The following ABCC5 variants were observed in gnomAD, a reference collection of about 807,000 sequenced individuals.
ABCC5 encodes the protein ATP binding cassette subfamily C member 5, also known as ATP-binding cassette sub-family C member 5.
Under a neutral mutation model 160.9 loss-of-function variants are expected in ABCC5, and 61 were observed. The observed-to-expected ratio is 0.38, with a 90% CI of 0.31 to 0.47. The LOEUF (loss-of-function observed/expected upper bound fraction) is 0.47, where lower values mean the gene tolerates loss of function less well. Ranked by LOEUF, ABCC5 falls within the 20% of genes least tolerant of loss-of-function variation. The pLI, the probability that ABCC5 is intolerant of heterozygous loss-of-function variation, is 0.99. For synonymous variants in ABCC5, 666 were observed against 700.6 expected (o/e 0.95, Z 0.78); for missense variants, 1,308 against 1,813.3 (o/e 0.72, Z 5.06).
intron 28 of ABCC5, 82 bp downstream of exon 28, chr3:183,927,248 A>G: frequency 8.7e-6 from 12 of 1,377,352 alleles, no homozygotes; most frequent in Non-Finnish European, 1.2e-5. Context: ...AGCCAGGAAT[A>G]CCTTTGGACC....
At chr3:183,962,092 C>G (rs546310109) in intron 15 of ABCC5, among the ~76,000 whole-genome samples, 1 of 152,166 alleles carries the variant, frequency 6.6e-6, no homozygotes, top group African/African-American at 2.4e-5. Flanking sequence ...GAGAGGTACA[C>G]AGATGCTCCT....
Position 183,921,222 on chromosome 3 carries a change from G to A in ABCC5, c.*78C>T. ...ATCGAGAAAGGCAAGGTTTCGGTAG[G>A]AGGACGCGATGAGGGGCCCGCCCCA... On this transcript the variant is annotated 3_prime_UTR_variant, in exon 30 of 30. Coordinates refer to ENST00000334444, the MANE Select transcript of ABCC5 (RefSeq NM_005688.4). This position sits in a 1 kb window ranked among gnomAD's most constrained non-coding sequence, Gnocchi z 4.1. 1 of 740,468 alleles carries A rather than the reference G, an allele frequency of 1.4e-6. No homozygotes were observed. Among genetic ancestry groups the A allele is most frequent in the East Asian group, 2.7e-5 (1 of 36,536 alleles). 45.9% of individuals were successfully genotyped at this position (740,468 alleles called of 1,614,324 possible). A position where few individuals can be genotyped will look rare whatever the true frequency, so the allele number is the denominator to read the frequency against.
Position 183,942,720 on chromosome 3 carries a change from T to C in ABCC5, c.3694+7A>G. The C allele has an allele frequency of 6.2e-7, 1 of 1,612,788 alleles. No individual in the cohort carries two copies. Among genetic ancestry groups the C allele is most frequent in the African/African-American group, 1.3e-5 (1 of 75,022 alleles). On this transcript the variant is annotated splice_region_variant and intron_variant, in intron 25 of 29. Coordinates refer to ENST00000334444, the MANE Select transcript of ABCC5 (RefSeq NM_005688.4). ...ATGGATTCAAAGAAGGCTTTGCACA[T>C]CCTTACCTGATCCTGTCCGCCCCAC...
At chr3:183,990,951 G>A (rs1719709714) in intron 2 of ABCC5, among the ~76,000 whole-genome samples, 1 of 152,068 alleles carries the variant, frequency 6.6e-6, no homozygotes, top group Non-Finnish European at 1.5e-5. Context: ...TTCCTTTTCT[G>A]TCTTAGCAGT....
Position 183,937,974 on chromosome 3 carries a change from T to C in ABCC5, c.3781A>G (p.Ile1261Val). 1 of 1,614,172 alleles carries C rather than the reference T, an allele frequency of 6.2e-7. No homozygotes were observed. Among genetic ancestry groups the C allele is most frequent in the South Asian group, 1.1e-5 (1 of 91,078 alleles). Residue 1261 changes from isoleucine to valine, a missense_variant, in exon 26 of 30, where the codon ATT becomes GTT. Ile to Val is a conservative substitution (Grantham distance 29). Transcript: ENST00000334444. Reference protein sequence around the residue: ...IKIDGVRISDIGLADLRSKLS... With the variant: ...IKIDGVRISDVGLADLRSKLS... ...TTGCTTCGGAGGTCGGCAAGGCCAA[T>C]ATCACTGATTCTCACTCCATCAATC...
intron 2 of ABCC5, among the ~76,000 whole-genome samples, chr3:184,007,447 T>C (rs1292379245): frequency 6.6e-6 from 1 of 152,170 alleles, no homozygotes; most frequent in Non-Finnish European, 1.5e-5. Flanking sequence ...ATAAAGCTCA[T>C]AAAAGCATCT....
intron 2 of ABCC5, among the ~76,000 whole-genome samples, chr3:184,005,294 T>C (rs1365914649): frequency 6.6e-6 from 1 of 152,180 alleles, no homozygotes; most frequent in Admixed American, 6.5e-5. Flanking sequence ...TCTACCTCCA[T>C]GAGCAGGCTT....
At chr3:183,952,628 A>T (rs1038863733) in intron 18 of ABCC5, among the ~76,000 whole-genome samples, 3 of 152,058 alleles carry the variant, frequency 2.0e-5, no homozygotes, top group African/African-American at 4.8e-5. Context: ...GACAGTTTAA[A>T]AGTGTTTGAC....
At chr3:184,001,622 T>C (rs996731959) in intron 2 of ABCC5, among the ~76,000 whole-genome samples, 2 of 152,106 alleles carry the variant, frequency 1.3e-5, no homozygotes, top group Non-Finnish European at 2.9e-5. Flanking sequence ...CATCCTACAA[T>C]GCACAGGATA....
Position 183,942,740 on chromosome 3 carries a change from C to T in ABCC5, c.3681G>A (p.Gly1227=). The change falls in exon 25 of 30, where the codon GGG becomes GGA. Residue 1227 remains glycine (G), a synonymous_variant. Coordinates refer to ENST00000334444, the MANE Select transcript of ABCC5 (RefSeq NM_005688.4). ...IKPKEKIGIV[G]RTGSGKSSLG... is the part of the protein sequence containing the mutation. ...GCACATCCTTACCTGATCCTGTCCG[C>T]CCCACAATGCCAATCTTCTCTTTAG... The T allele has an allele frequency of 1.2e-6, 2 of 1,613,858 alleles. No homozygotes were observed. The highest frequency in any genetic ancestry group is 1.7e-5 in the Admixed American group (1 of 60,004).
intron 25 of ABCC5, among the ~76,000 whole-genome samples, chr3:183,941,704 G>A (rs771782009): frequency 6.6e-6 from 1 of 152,094 alleles, no homozygotes. Flanking sequence ...GAAAAAAGGG[G>A]CCGGGTGCGA....
chr3:183,989,848 A>C (rs1719587867), intron 2 of ABCC5, among the ~76,000 whole-genome samples: 1 of 152,172 alleles, frequency 6.6e-6, no homozygotes, highest in South Asian at 2.1e-4. Context: ...TCTGTCACCC[A>C]GGCTGGAGTG....
chr3:183,973,635 C>T (rs1318771946), intron 10 of ABCC5, among the ~76,000 whole-genome samples: 1 of 152,104 alleles, frequency 6.6e-6, no homozygotes, highest in Non-Finnish European at 1.5e-5. Flanking sequence ...CCCCGTCTCC[C>T]ATTCATCCCT....
rs564702882 is a variant in ABCC5, at chr3:183,982,299, T to C, written c.999+152A>G. The C allele has an allele frequency of 9.8e-5, 85 of 863,522 alleles. No homozygotes were observed. In the African/African-American group the frequency reaches 1.3e-3, roughly 13 times the overall value. 53.5% of individuals were successfully genotyped at this position (863,522 alleles called of 1,614,324 possible). A position where few individuals can be genotyped will look rare whatever the true frequency, so the allele number is the denominator to read the frequency against. ...CTCTCAAGTCAAAATTCTGTCCCTATAGAGCAAGCACTATCGAGCTCTAGA... is the reference window on the plus strand; with the variant it reads ...CTCTCAAGTCAAAATTCTGTCCCTACAGAGCAAGCACTATCGAGCTCTAGA... On this transcript the variant is annotated intron_variant, in intron 7 of 29. Coordinates refer to ENST00000334444, the MANE Select transcript of ABCC5 (RefSeq NM_005688.4). This position sits in a 1 kb window ranked among gnomAD's most constrained non-coding sequence, Gnocchi z 5.2.
rs776641752 is a variant in ABCC5, at chr3:183,937,982, A to C, written c.3773T>G (p.Ile1258Ser). ...GGCIKIDGVR[I>S]SDIGLADLRS... ...GAGGTCGGCAAGGCCAATATCACTG[A>C]TTCTCACTCCATCAATCTTGATGCA... Residue 1258 changes from isoleucine (I) to serine (S), a missense_variant, in exon 26 of 30, where the codon ATC becomes AGC. Physicochemically the swap from Ile to Ser is moderately radical, Grantham distance 142. Coordinates refer to ENST00000334444, the MANE Select transcript of ABCC5 (RefSeq NM_005688.4). 9 of 1,614,128 alleles carry C rather than the reference A, an allele frequency of 5.6e-6. No individual in the cohort carries two copies. Among genetic ancestry groups the C allele is most frequent in the Non-Finnish European group, 7.6e-6 (9 of 1,180,020 alleles).
At chr3:183,924,010 CTTTTTT>C (rs200040197) in intron 29 of ABCC5, among the ~76,000 whole-genome samples, 8 of 112,800 alleles carry the variant, frequency 7.1e-5, no homozygotes, top group African/African-American at 3.2e-4. Flanking sequence ...TTACTGTTTG[CTTTTTT>C]TTTTTTTTTT....
intron 25 of ABCC5, among the ~76,000 whole-genome samples, chr3:183,941,348 GGCTTGGGGAGAGTCACCCT>G (rs980344067): frequency 2.6e-5 from 4 of 152,130 alleles, no homozygotes; most frequent in African/African-American, 9.7e-5. Context: ...ACAGTAAAAA[GGCTTGGGGAGAGTCACCCT>G]GCTTGGCTAA....
intron 5 of ABCC5, chr3:183,984,775 G>T (rs1192218236): frequency 5.8e-6 from 9 of 1,548,422 alleles, no homozygotes; most frequent in Non-Finnish European, 7.8e-6. Flanking sequence ...CCAAAATGTG[G>T]AACTGAGTCA....
chr3:184,013,178 G>A (rs1721898350), intron 2 of ABCC5, among the ~76,000 whole-genome samples: 1 of 152,206 alleles, frequency 6.6e-6, no homozygotes, highest in Non-Finnish European at 1.5e-5. Context: ...GAATTCGCTT[G>A]AAAAACATAC....
Sources: gnomAD v4.1 joint callset for allele counts (sites outside exome capture counted in the v4.1 genomes callset) on GRCh38, gnomAD v4.1.1 for gene constraint, Gnocchi (gnomAD v3.1) non-coding constraint, MANE v1.5 for transcripts, NCBI Gene and HGNC (gene_info 2026-07-23, HGNC 2026-07-21) for gene names.